The following EIF4E variants were observed in gnomAD, a reference collection of about 807,000 sequenced individuals.
EIF4E encodes eIF-4F 25 kDa subunit.
For missense variants in EIF4E, 113 were observed against 265.6 expected, an observed-to-expected ratio of 0.43 and a Z score of 3.99; for synonymous variants, 71 against 88.5, an observed-to-expected ratio of 0.80 and a Z score of 1.11.
chr4:98,881,233 A>G, intron 6 of EIF4E, 91 bp from the exon 7 acceptor site: 1 of 1,506,512 alleles, frequency 6.6e-7, no homozygotes, highest in Non-Finnish European at 8.9e-7. Context: ...ATTAGTCTTT[A>G]TATTAAAAAA....
In EIF4E at chr4:98,879,971, AAAG is replaced by A. The variant is rs1170964712; in HGVS notation, c.*1054_*1056del. The A allele has an allele frequency of 5.2e-5, 8 of 152,590 alleles. No individual in the cohort carries two copies. The South Asian group carries it at 1.4e-3, about 28-fold the overall frequency. The allele number at this position is 152,590 out of a possible 1,614,324, so 9.5% of individuals were successfully genotyped here. A position where few individuals can be genotyped will look rare whatever the true frequency, so the allele number is the denominator to read the frequency against. On this transcript the variant is annotated 3_prime_UTR_variant, in exon 7 of 7. Coordinates refer to ENST00000450253, the MANE Select transcript of EIF4E (RefSeq NM_001968.5). The stretch of plus-strand genomic sequence containing the variant: ...TGCTGTTCACATGGAAGACACCACA[AAAG>A]AAGACATAATATAGAGACTGCCTTG...
rs749648246 is a variant in EIF4E at position 98,884,989 on chromosome 4, C to T, written c.472G>A (p.Ala158Thr). ...DVCGAVVNVR[A>T]KGDKIAIWTT... ...CATATTGCTATCTTATCACCTTTAG[C>T]TCTAACATTAACAACAGCGCCACAT... Residue 158 changes from alanine (A) to threonine (T), a missense_variant, in exon 6 of 7, where the codon GCT becomes ACT. By Grantham distance (58) the Ala-to-Thr change is moderately conservative. Transcript: ENST00000450253. 10 of 1,613,552 alleles carry T rather than the reference C, an allele frequency of 6.2e-6. No homozygotes were observed. The highest frequency in any genetic ancestry group is 8.5e-6 in the Non-Finnish European group (10 of 1,179,796).
At chr4:98,904,662 T>A (rs910107478) in intron 1 of EIF4E, among the ~76,000 whole-genome samples, 3 of 152,128 alleles carry the variant, frequency 2.0e-5, no homozygotes, top group African/African-American at 7.2e-5. Context: ...TCCCAGCTAC[T>A]GGGGAGGCTA....
In EIF4E at chr4:98,887,269, G is replaced by C; in HGVS notation, c.286-77C>G. 1 of 1,415,406 alleles carries C rather than the reference G, an allele frequency of 7.1e-7. No individual in the cohort carries two copies. Among genetic ancestry groups the C allele is most frequent in the South Asian group, 1.2e-5 (1 of 86,730 alleles). 87.7% of individuals were successfully genotyped at this position (1,415,406 alleles called of 1,614,324 possible). ...AGAGATAATCATTAGAAACAGTTAA[G>C]CAACAACACTGTCAACTTCTTACTT... On this transcript the variant is annotated intron_variant, in intron 4 of 6. Transcript: ENST00000450253. The surrounding 1 kb of genome is among the most constrained non-coding windows in gnomAD (Gnocchi z 4.0).
chr4:98,899,917 T>C (rs1056870211), intron 2 of EIF4E, among the ~76,000 whole-genome samples: 1 of 151,684 alleles, frequency 6.6e-6, no homozygotes, highest in African/African-American at 2.4e-5. Context: ...TTCCAAATGA[T>C]ACTTGCTATT....
At chr4:98,903,570 C>G (rs940669690) in intron 1 of EIF4E, 14 of 432,016 alleles carry the variant, frequency 3.2e-5, no homozygotes, top group Non-Finnish European at 6.4e-5. Context: ...TCTCAAACTC[C>G]TGAGCTCAAG....
chr4:98,926,819 C>T (rs184372619), intron 1 of EIF4E, among the ~76,000 whole-genome samples: 2 of 152,282 alleles, frequency 1.3e-5, no homozygotes, highest in Admixed American at 6.5e-5. Context: ...GGTACAACAC[C>T]CTGGATATAT....
At chr4:98,926,673 T>A (rs981859144) in intron 1 of EIF4E, among the ~76,000 whole-genome samples, 2 of 152,180 alleles carry the variant, frequency 1.3e-5, no homozygotes, top group African/African-American at 4.8e-5. Context: ...AATTTAAACA[T>A]AACATCCAAA....
intron 1 of EIF4E, among the ~76,000 whole-genome samples, chr4:98,905,787 G>A (rs567323848): frequency 2.6e-5 from 4 of 152,106 alleles, no homozygotes; most frequent in Non-Finnish European, 5.9e-5. Context: ...AGAGAAAGTT[G>A]AAAGCGAAGA....
chr4:98,896,497 A>AC (rs1724402006), intron 2 of EIF4E, among the ~76,000 whole-genome samples: 1 of 148,120 alleles, frequency 6.8e-6, no homozygotes, highest in Non-Finnish European at 1.5e-5. Context: ...AAAAAAAAAA[A>AC]AAAAAAAAAA....
At chr4:98,889,054 G>A (rs554377260) in intron 3 of EIF4E, among the ~76,000 whole-genome samples, 4 of 152,000 alleles carry the variant, frequency 2.6e-5, no homozygotes, top group Admixed American at 2.0e-4. Context: ...AGCTACTAGG[G>A]AGGCTGAGGC....
chr4:98,918,686 T>C (rs955055742), intron 1 of EIF4E, among the ~76,000 whole-genome samples: 1 of 152,144 alleles, frequency 6.6e-6, no homozygotes, highest in Non-Finnish European at 1.5e-5. Context: ...TAGAAATAAT[T>C]ATGTTAAAAC....
intron 2 of EIF4E, among the ~76,000 whole-genome samples, chr4:98,893,659 T>C (rs1255339040): frequency 1.3e-5 from 2 of 152,230 alleles, no homozygotes; most frequent in African/African-American, 2.4e-5. Context: ...TTACTGTTGG[T>C]CTCTTGCTCT....
chr4:98,892,852 T>C (rs998389401), intron 2 of EIF4E, among the ~76,000 whole-genome samples: 7 of 152,192 alleles, frequency 4.6e-5, no homozygotes, highest in South Asian at 2.1e-4. Flanking sequence ...TAATGCTGCA[T>C]AGATATGTTC....
intron 1 of EIF4E, among the ~76,000 whole-genome samples, chr4:98,916,452 AGAG>A (rs947100344): frequency 2.0e-5 from 3 of 152,172 alleles, no homozygotes; most frequent in Admixed American, 6.5e-5. Flanking sequence ...AAGAGAAAAA[AGAG>A]GAGAATTACC....
At chr4:98,925,254 TAC>T (rs1306099997) in intron 1 of EIF4E, among the ~76,000 whole-genome samples, 1 of 152,198 alleles carries the variant, frequency 6.6e-6, no homozygotes, top group African/African-American at 2.4e-5. Context: ...AGTAAAATTA[TAC>T]ACTTTCAGTT....
intron 2 of EIF4E, among the ~76,000 whole-genome samples, chr4:98,894,827 G>A (rs936986960): frequency 1.3e-5 from 2 of 152,222 alleles, no homozygotes; most frequent in Non-Finnish European, 2.9e-5. Context: ...CTTTTGGCCT[G>A]TGTTGGCTTT....
chr4:98,896,847 G>A (rs1025206518), intron 2 of EIF4E, among the ~76,000 whole-genome samples: 4 of 151,928 alleles, frequency 2.6e-5, no homozygotes, highest in Admixed American at 6.6e-5. Context: ...GCATGCCTGT[G>A]GGGCCCCAGC....
At chr4:98,911,525 G>A (rs1287396073) in intron 1 of EIF4E, among the ~76,000 whole-genome samples, 1 of 150,066 alleles carries the variant, frequency 6.7e-6, no homozygotes, top group Non-Finnish European at 1.5e-5. Context: ...AGGGCGTGGT[G>A]GCACATACGC....
Sources: allele counts gnomAD v4.1 joint callset (sites outside exome capture counted in the v4.1 genomes callset), GRCh38; gene constraint gnomAD v4.1.1; non-coding constraint Gnocchi (gnomAD v3.1); transcripts MANE v1.5; gene names NCBI Gene and HGNC (gene_info 2026-07-23, HGNC 2026-07-21).